Variants in SLCO1C1 observed in about 807,000 individuals in gnomAD.
SLCO1C1 encodes solute carrier organic anion transporter family member 1C1.
In SLCO1C1, 70 loss-of-function variants were observed where a neutral mutation model predicts 76.4. That is an observed-to-expected ratio of 0.92 (90% CI 0.76 to 1.12). The LOEUF (loss-of-function observed/expected upper bound fraction) is 1.12. SLCO1C1 is among the 50% of genes most tolerant of loss of function. The probability of loss-of-function intolerance (pLI) is 0.00; values close to 1 mark genes in which losing one functional copy is unlikely to be tolerated. For missense variants in SLCO1C1, 912 were observed against 823.8 expected, an observed-to-expected ratio of 1.11 and a Z score of -1.31; for synonymous variants, 306 against 286.1, an observed-to-expected ratio of 1.07 and a Z score of -0.70.
chr12:20,722,861 G>A (rs1397693239), intron 8 of SLCO1C1, among the ~76,000 whole-genome samples: 4 of 152,078 alleles, frequency 2.6e-5, no homozygotes, highest in African/African-American at 9.7e-5. Flanking sequence ...AATCTATACT[G>A]CATGTCTGTA....
chr12:20,710,221 T>TG (rs1947013088), intron 4 of SLCO1C1, among the ~76,000 whole-genome samples: 1 of 141,564 alleles, frequency 7.1e-6, no homozygotes, highest in Admixed American at 7.0e-5. Context: ...TTTTTTTTTT[T>TG]TTTTGAGATG....
chr12:20,749,645 G>A (rs1949202524), intron 13 of SLCO1C1, among the ~76,000 whole-genome samples: 3 of 152,174 alleles, frequency 2.0e-5, no homozygotes, highest in African/African-American at 7.2e-5. Context: ...ATTTGCACAT[G>A]AGAGACACAT....
At chr12:20,704,744 T>C (rs1028871679) in intron 3 of SLCO1C1, among the ~76,000 whole-genome samples, 5 of 151,650 alleles carry the variant, frequency 3.3e-5, no homozygotes, top group Non-Finnish European at 7.4e-5. Context: ...TAGGGAAACA[T>C]GCTTTGCTCA....
chr12:20,719,100 C>CTATTATTATTAT (rs71039975), intron 7 of SLCO1C1, among the ~76,000 whole-genome samples: 10,219 of 145,570 alleles, frequency 0.07, 1,063 homozygotes, highest in African/African-American at 0.22. Context: ...CAAGCTTTTA[C>CTATTATTATTAT]TATTATTATT....
At chr12:20,710,460 T>A (rs895770634) in intron 4 of SLCO1C1, among the ~76,000 whole-genome samples, 2 of 152,148 alleles carry the variant, frequency 1.3e-5, no homozygotes, top group African/African-American at 4.8e-5. Context: ...TCTTACCAGA[T>A]ACCTCTTCCC....
intron 3 of SLCO1C1, among the ~76,000 whole-genome samples, chr12:20,705,641 G>A (rs1023629963): frequency 1.3e-5 from 2 of 151,926 alleles, no homozygotes; most frequent in Admixed American, 6.6e-5. Context: ...TATTTGAGAG[G>A]GAAGCTAAAG....
chr12:20,746,654 A>T (rs777139061), intron 13 of SLCO1C1, among the ~76,000 whole-genome samples: 35 of 152,190 alleles, frequency 2.3e-4, no homozygotes, highest in Non-Finnish European at 5.0e-4. Context: ...CAGAATAAAA[A>T]AATACACAGT....
rs1190920232 is a variant in SLCO1C1, at chr12:20,705,965, A to G, written c.288A>G (p.Ile96Met). The change falls in exon 4 of 15, where the codon ATA (isoleucine) becomes ATG (methionine). Residue 96 changes from isoleucine (I) to methionine (M), a missense_variant. Coordinates refer to ENST00000266509, the MANE Select transcript of SLCO1C1 (RefSeq NM_017435.5). ...GSFEIGNLLV[I>M]TFVSYFGAKL... ...TCCTCAAAGGGAATCTCTTAGTTAT[A>G]ACATTTGTTAGCTACTTTGGAGCCA... 6.2e-7 allele frequency: 1 copy of G among 1,613,218 alleles called. No homozygotes were observed. The highest frequency in any genetic ancestry group is 1.1e-5 in the South Asian group (1 of 91,034).
At chr12:20,736,332 AT>A (rs1215948897) in intron 10 of SLCO1C1, among the ~76,000 whole-genome samples, 4 of 85,808 alleles carry the variant, frequency 4.7e-5, no homozygotes, top group African/African-American at 8.0e-5. Context: ...AAAAAAACCA[AT>A]TTTGGGGGGG....
chr12:20,744,371 C>A (rs1217620634), intron 13 of SLCO1C1, among the ~76,000 whole-genome samples: 1 of 151,784 alleles, frequency 6.6e-6, no homozygotes, highest in African/African-American at 2.4e-5. Context: ...TTGAAATTGG[C>A]AAAAGTATCA....
chr12:20,750,406 T>TC (rs1322336898), intron 13 of SLCO1C1, among the ~76,000 whole-genome samples: 2 of 152,000 alleles, frequency 1.3e-5, no homozygotes, highest in African/African-American at 4.8e-5. Flanking sequence ...AAGGGACAGG[T>TC]CTATAGGGGA....
intron 13 of SLCO1C1, among the ~76,000 whole-genome samples, chr12:20,750,299 T>G (rs1949235878): frequency 6.6e-6 from 1 of 152,148 alleles, no homozygotes. Context: ...TCAGTATGAT[T>G]CCGGGACAGA....
chr12:20,748,157 A>C (rs1347678083), intron 13 of SLCO1C1, among the ~76,000 whole-genome samples: 1 of 152,220 alleles, frequency 6.6e-6, no homozygotes, highest in Non-Finnish European at 1.5e-5. Context: ...TTAAGAACCA[A>C]ACAAGGTCCA....
At chr12:20,707,798 C>T (rs1021973881) in intron 4 of SLCO1C1, among the ~76,000 whole-genome samples, 2 of 151,336 alleles carry the variant, frequency 1.3e-5, no homozygotes, top group African/African-American at 2.4e-5. Flanking sequence ...TGACAAATAT[C>T]GAATACCCGT....
At chr12:20,723,062 A>G in intron 8 of SLCO1C1, 28 bp from the exon 9 acceptor site, 1 of 1,588,494 alleles carries the variant, frequency 6.3e-7, no homozygotes, top group Non-Finnish European at 8.6e-7. Flanking sequence ...ACCAACTTTA[A>G]TTAGTCTATG....
Position 20,750,002 on chromosome 12 carries a change from C to T in SLCO1C1, c.1799-673C>T, listed in dbSNP as rs145937900. ...GAACATTTTAGTCACTGAAAGAAAT[C>T]CAAGAAAATTTGAGTCTGAAATGTA... On this transcript the variant is annotated intron_variant, in intron 13 of 14. Coordinates refer to ENST00000266509, the MANE Select transcript of SLCO1C1 (RefSeq NM_017435.5). Among the ~76,000 whole-genome samples, 547 of 152,258 alleles carry T rather than the reference C, an allele frequency of 3.6e-3. 2 individuals carry two copies. The highest frequency in any genetic ancestry group is 0.01 in the Middle Eastern group (3 of 294).
chr12:20,749,128 T>G (rs1004881798), intron 13 of SLCO1C1, among the ~76,000 whole-genome samples: 9 of 152,208 alleles, frequency 5.9e-5, no homozygotes, highest in African/African-American at 2.2e-4. Context: ...ATATTTTCAT[T>G]TGTTTTCAAA....
Position 20,753,154 on chromosome 12 carries a change from C to G in SLCO1C1, c.*626C>G, listed in dbSNP as rs781006558. 1 of 152,100 alleles carries G rather than the reference C, an allele frequency of 6.6e-6. No individual in the cohort carries two copies. Among genetic ancestry groups the G allele is most frequent in the Non-Finnish European group, 1.5e-5 (1 of 68,002 alleles). 9.4% of individuals were successfully genotyped at this position (152,100 alleles called of 1,614,324 possible). On this transcript the variant is annotated 3_prime_UTR_variant, in exon 15 of 15. Coordinates refer to ENST00000266509, the MANE Select transcript of SLCO1C1 (RefSeq NM_017435.5). ...CTCTCCTACTATTAATTTACATGTGCTTTTTGTGTGGCGCTATAAGTGACT... is the reference window on the plus strand; with the variant it reads ...CTCTCCTACTATTAATTTACATGTGGTTTTTGTGTGGCGCTATAAGTGACT...
At chr12:20,750,891 G>T in intron 14 of SLCO1C1, 99 bp downstream of exon 14, 1 of 1,610,796 alleles carries the variant, frequency 6.2e-7, no homozygotes, top group Non-Finnish European at 8.5e-7. Flanking sequence ...TTCACTGCTT[G>T]TAAGGTAAAG....
Sources: gnomAD v4.1 joint callset for allele counts (sites outside exome capture counted in the v4.1 genomes callset) on GRCh38, gnomAD v4.1.1 for gene constraint, MANE v1.5 for transcripts, NCBI Gene and HGNC (gene_info 2026-07-23, HGNC 2026-07-21) for gene names.